KDM6B: variants seen among roughly 807,000 people sequenced by gnomAD.
The protein encoded by KDM6B is lysine-specific demethylase 6B.
In KDM6B, 22 loss-of-function variants were observed where a neutral mutation model predicts 150.4. That is an observed-to-expected ratio of 0.15 (90% confidence interval 0.10 to 0.21). The LOEUF (loss-of-function observed/expected upper bound fraction) is 0.21. KDM6B is among the 10% of genes least tolerant of loss of function. The pLI is 1.00. For synonymous variants in KDM6B, 1,148 were observed against 921.1 expected, an observed-to-expected ratio of 1.25 and a Z score of -4.46; for missense variants, 1,984 against 2,234.3, an observed-to-expected ratio of 0.89 and a Z score of 2.26.
In KDM6B at chr17:7,851,826, TG is replaced by T. The variant is rs761231253; in HGVS notation, c.4165+32del. The T allele has an allele frequency of 5.7e-4, 883 of 1,558,816 alleles. 6 individuals are homozygous for T. The highest frequency in any genetic ancestry group is 1.7e-4 in the Non-Finnish European group (199 of 1,151,514). ...GCTCCACGCCTGTGCGCGCTGATGC[TG>T]GAAGCGCGAGAGGAGGGGCTGGCGG... On this transcript the variant is annotated intron_variant, in intron 18 of 23. Transcript: ENST00000448097.
rs767547359 is a variant in KDM6B at position 7,849,745 on chromosome 17, C to T, written c.3440+17C>T. ...CGCCAGCAGGTGAGTCGGCTGCCTGCTTGCTTGTCCCGGAGACAGGCTCCC... is the reference window on the plus strand; with the variant it reads ...CGCCAGCAGGTGAGTCGGCTGCCTGTTTGCTTGTCCCGGAGACAGGCTCCC... On this transcript the variant is annotated intron_variant, in intron 12 of 23. Coordinates refer to ENST00000448097, the MANE Select transcript of KDM6B (RefSeq NM_001348716.2). 1.2e-6 allele frequency: 2 copies of T among 1,612,580 alleles called. No individual in the cohort carries two copies. Among genetic ancestry groups the T allele is most frequent in the Non-Finnish European group, 8.5e-7 (1 of 1,180,000 alleles).
chr17:7,850,038 G>GGCTCTGAC, intron 13 of KDM6B, 34 bp from the exon 14 acceptor site: 1 of 1,612,720 alleles, frequency 6.2e-7, no homozygotes, highest in Non-Finnish European at 8.5e-7. Context: ...CCTGGGCCAG[G>GGCTCTGAC]GCTCTGACCC....
chr17:7,847,494 T>C, intron 11 of KDM6B, 42 bp downstream of exon 11: 2 of 1,613,382 alleles, frequency 1.2e-6, no homozygotes, highest in Non-Finnish European at 1.7e-6. Flanking sequence ...GGGTGGAGCT[T>C]GTCTTGAGGC....
In KDM6B at chr17:7,852,923, C is replaced by CCCCTCTGCCCTTGCTCCAG. The variant is rs539708699; in HGVS notation, c.4611-72_4611-54dup. 69 of 1,598,806 alleles carry CCCCTCTGCCCTTGCTCCAG rather than the reference C, an allele frequency of 4.3e-5. No homozygotes were observed. The East Asian group carries it at 1.5e-3, about 35-fold the overall frequency. On this transcript the variant is annotated intron_variant, in intron 21 of 23. Coordinates refer to ENST00000448097, the MANE Select transcript of KDM6B (RefSeq NM_001348716.2). Reference sequence around the variant, plus strand: ...TAGGGGAGGGCCCTGGGGCTGCCCACCCCTCTGCCCTTGCTCCAGCCCTGC... The same window carrying CCCCTCTGCCCTTGCTCCAG: ...TAGGGGAGGGCCCTGGGGCTGCCCACCCCTCTGCCCTTGCTCCAGCCCTCTGCCCTTGCTCCAGCCCTGC...
intron 18 of KDM6B, 57 bp from the exon 19 acceptor site, chr17:7,851,894 A>G (rs1344005329): frequency 2.5e-6 from 4 of 1,601,472 alleles, no homozygotes; most frequent in South Asian, 1.1e-5. Context: ...GGGCGGGGCT[A>G]TCGGGGATCG....
rs1319099422 is a variant in KDM6B at position 7,844,019 on chromosome 17, C to G, written c.-268-882C>G. Reference sequence around the variant, plus strand: ...GGTGAGAGTGGGACAAGGGTGATGTCACTGCCTGTCGGGCCCCGCCCTCCT... The same window carrying G: ...GGTGAGAGTGGGACAAGGGTGATGTGACTGCCTGTCGGGCCCCGCCCTCCT... On this transcript the variant is annotated intron_variant, in intron 2 of 23. Coordinates refer to ENST00000448097, the MANE Select transcript of KDM6B (RefSeq NM_001348716.2). The surrounding 1 kb of genome is among the most constrained non-coding windows in gnomAD (Gnocchi z 5.9). 6.6e-6 allele frequency among the ~76,000 whole-genome samples: 1 copy of G among 151,414 alleles called. No homozygotes were observed. Among genetic ancestry groups the G allele is most frequent in the Admixed American group, 6.6e-5 (1 of 15,224 alleles).
chr17:7,848,318 C>T lies in KDM6B; in HGVS notation c.2030C>T (p.Pro677Leu), dbSNP rs545723280. 9 of 1,612,768 alleles carry T rather than the reference C, an allele frequency of 5.6e-6. No individual in the cohort carries two copies. The highest frequency in any genetic ancestry group is 1.7e-5 in the Admixed American group (1 of 60,018). Residue 677 changes from proline (P) to leucine (L), a missense_variant, in exon 12 of 24, where the codon CCG becomes CTG. By Grantham distance (98) the Pro-to-Leu change is moderately conservative. Coordinates refer to ENST00000448097, the MANE Select transcript of KDM6B (RefSeq NM_001348716.2). Reference protein sequence around the residue: ...GPRLFDFPPTPLEDQFEEPAE... With the variant: ...GPRLFDFPPTLLEDQFEEPAE... ...CGACTCTTTGATTTTCCCCCCACTC[C>T]GCTGGAGGACCAGTTTGAGGAGCCA...
chr17:7,851,463 T>C lies in KDM6B; in HGVS notation c.3945-15T>C. On this transcript the variant is annotated splice_polypyrimidine_tract_variant and intron_variant, in intron 16 of 23. Transcript: ENST00000448097. ...CCCTCTGCTCTCCACCAACCTGTGC[T>C]CTTCGCCCCAGCAGCAGCGCACCAG... 1 of 1,614,188 alleles carries C rather than the reference T, an allele frequency of 6.2e-7. No homozygotes were observed. Among genetic ancestry groups the C allele is most frequent in the Non-Finnish European group, 8.5e-7 (1 of 1,180,036 alleles).
chr17:7,835,106 C>T (rs931708021), intron 1 of KDM6B, among the ~76,000 whole-genome samples: 1 of 152,072 alleles, frequency 6.6e-6, no homozygotes, highest in Admixed American at 6.5e-5. Context: ...GAAAGGTAGG[C>T]TGAGGCCCCC....
At chr17:7,849,752 G>C (rs1243008026) in intron 12 of KDM6B, 24 bp downstream of exon 12, 1 of 1,612,576 alleles carries the variant, frequency 6.2e-7, no homozygotes, top group African/African-American at 1.3e-5. Flanking sequence ...CTGCTTGCTT[G>C]TCCCGGAGAC....
chr17:7,844,137 C>G lies in KDM6B; in HGVS notation c.-268-764C>G, dbSNP rs534606405. The G allele has an allele frequency of 1.3e-5, 2 of 151,932 alleles. No individual in the cohort carries two copies. Among genetic ancestry groups the G allele is most frequent in the African/African-American group, 2.4e-5 (1 of 41,346 alleles). 9.4% of individuals were successfully genotyped at this position (151,932 alleles called of 1,614,324 possible). Reference sequence around the variant, plus strand: ...GTCACGGGCAACCCCCGAAATCCCCCCTCCCTTGGGGGGCGGGGGCCACGT... The same window carrying G: ...GTCACGGGCAACCCCCGAAATCCCCGCTCCCTTGGGGGGCGGGGGCCACGT... On this transcript the variant is annotated intron_variant, in intron 2 of 23. Transcript: ENST00000448097. The surrounding 1 kb of genome is among the most constrained non-coding windows in gnomAD (Gnocchi z 5.9).
In KDM6B at chr17:7,848,480, C is replaced by G; in HGVS notation, c.2192C>G (p.Ser731Cys). 6.2e-7 allele frequency: 1 copy of G among 1,611,868 alleles called. No individual in the cohort carries two copies. The highest frequency in any genetic ancestry group is 8.5e-7 in the Non-Finnish European group (1 of 1,179,874). Reference sequence around the variant, plus strand: ...CCCCCGCTGAAGGAGCCCTTTGCATCTCTGCAGTCTCCTTTCCCCACCGAC... The same window carrying G: ...CCCCCGCTGAAGGAGCCCTTTGCATGTCTGCAGTCTCCTTTCCCCACCGAC... ...PQPPLKEPFA[S>C]LQSPFPTDTA... is the part of the protein sequence containing the mutation. Residue 731 changes from serine to cysteine, a missense_variant, in exon 12 of 24, where the codon TCT becomes TGT. Coordinates refer to ENST00000448097, the MANE Select transcript of KDM6B (RefSeq NM_001348716.2).
chr17:7,850,202 TAGGG>T (rs2078663446), intron 14 of KDM6B, 25 bp downstream of exon 14: 2 of 1,583,364 alleles, frequency 1.3e-6, no homozygotes, highest in African/African-American at 1.3e-5. Flanking sequence ...CAGAAAGTGT[TAGGG>T]AGGGCTACAA....
At position 7,848,218 on chromosome 17, in the gene KDM6B, C is replaced by T; in HGVS notation, c.1930C>T (p.Pro644Ser). The T allele has an allele frequency of 6.2e-7, 1 of 1,607,430 alleles. No individual in the cohort carries two copies. The highest frequency in any genetic ancestry group is 8.5e-7 in the Non-Finnish European group (1 of 1,175,374). ...AAAGACCCCCGAGGTGGGGCCGGGG[C>T]CACCCCCAGGCCCCCTGAGTAAAGC... ...FPKTPEVGPG[P>S]PPGPLSKAPQ... Residue 644 changes from proline to serine, a missense_variant, in exon 12 of 24, where the codon CCA (proline) becomes TCA (serine). Physicochemically the swap from Pro to Ser is moderately conservative, Grantham distance 74 (BLOSUM62 -1). This residue lies in a region of KDM6B where 1,379 missense variants were observed against 1,275.6 expected (regional missense o/e 1.08). Transcript: ENST00000448097.
At chr17:7,837,598 T>TCA (rs1372624071) in intron 1 of KDM6B, among the ~76,000 whole-genome samples, 1 of 152,192 alleles carries the variant, frequency 6.6e-6, no homozygotes, top group Non-Finnish European at 1.5e-5. Context: ...TCTAGCTCTG[T>TCA]CACTTAGTGG....
Position 7,851,083 on chromosome 17 carries a change from C to T in KDM6B, c.3736C>T (p.Arg1246Cys), listed in dbSNP as rs1294523865. ...EASGEHTVEV[R>C]TQVQQPSDEN... ...GAGTGGCGAACACACCGTGGAAGTT[C>T]GCACCCAGGTGCAGCAGCCCTCAGA... Residue 1246 changes from arginine (R) to cysteine (C), a missense_variant, in exon 15 of 24, where the codon CGC (arginine) becomes TGC (cysteine). Physicochemically the swap from Arg to Cys is radical, Grantham distance 180 (BLOSUM62 -3). This residue lies in a region of KDM6B where 25 missense variants were observed against 36.4 expected (regional missense o/e 0.69). Coordinates refer to ENST00000448097, the MANE Select transcript of KDM6B (RefSeq NM_001348716.2). 6.2e-7 allele frequency: 1 copy of T among 1,613,378 alleles called. No individual in the cohort carries two copies. The highest frequency in any genetic ancestry group is 1.3e-5 in the African/African-American group (1 of 74,926).
chr17:7,852,767 G>A, intron 21 of KDM6B, 131 bp downstream of exon 21: 1 of 1,402,632 alleles, frequency 7.1e-7, no homozygotes, highest in East Asian at 2.3e-5. Context: ...TACTGTGTTG[G>A]GGAGGCTAAC....
chr17:7,840,933 T>C (rs996218645), intron 2 of KDM6B, among the ~76,000 whole-genome samples: 2 of 152,156 alleles, frequency 1.3e-5, no homozygotes, highest in Admixed American at 1.3e-4. Context: ...GAAAGGAAGG[T>C]TGACCCAGGA....
At chr17:7,851,298 G>C in intron 15 of KDM6B, 32 bp from the exon 16 acceptor site, 1 of 1,613,824 alleles carries the variant, frequency 6.2e-7, no homozygotes, top group Non-Finnish European at 8.5e-7. Flanking sequence ...AAAGGTCTCT[G>C]ACCCAGGCCT....
Sources: gnomAD v4.1 joint callset for allele counts (sites outside exome capture counted in the v4.1 genomes callset) on GRCh38, gnomAD v4.1.1 for gene constraint, gnomAD v4.1.1 regional missense constraint, Gnocchi (gnomAD v3.1) non-coding constraint, MANE v1.5 for transcripts, NCBI Gene and HGNC (gene_info 2026-07-23, HGNC 2026-07-21) for gene names.